Variants in TNNT1 observed in about 807,000 individuals in gnomAD.
The protein encoded by TNNT1 is troponin T, slow skeletal muscle.
In TNNT1, 53 loss-of-function variants were observed where a neutral mutation model predicts 50.6. That is an observed-to-expected ratio of 1.05 (90% CI 0.84 to 1.32). The LOEUF is 1.32. Among genes scored for constraint, TNNT1 ranks in the 40% most tolerant of loss-of-function variants. The pLI is 0.00. For missense variants in TNNT1, 348 were observed against 381.7 expected (o/e 0.91, Z 0.74); for synonymous variants, 142 against 138.0 (o/e 1.03, Z -0.20).
intron 9 of TNNT1, 86 bp from the exon 10 acceptor site, chr19:55,138,160 A>G: frequency 1.2e-6 from 2 of 1,607,080 alleles, no homozygotes; most frequent in Non-Finnish European, 1.7e-6. Context: ...GGGCACAGGG[A>G]TCAGCAGACC....
intron 11 of TNNT1, 145 bp downstream of exon 11, chr19:55,136,958 C>G: frequency 1.6e-6 from 1 of 617,256 alleles, no homozygotes; most frequent in Non-Finnish European, 2.9e-6. Context: ...AGCAGAGGCC[C>G]AGAGAGGGGA....
At position 55,146,913 on chromosome 19, in the gene TNNT1, C is replaced by T. The variant is rs1599895658; in HGVS notation, c.46+95G>A. 6 of 1,456,158 alleles carry T rather than the reference C, an allele frequency of 4.1e-6. No homozygotes were observed. In the Admixed American group the frequency reaches 6.8e-5, roughly 17 times the overall value. The allele number at this position is 1,456,158 out of a possible 1,614,324, so 90.2% of individuals were successfully genotyped here. ...GGGCGAGGGCCCGAGGGCTGAGCCG[C>T]CCCTTCCCCGCCAAAGTGCCACACT... On this transcript the variant is annotated intron_variant, in intron 3 of 13. Coordinates refer to ENST00000588981, the MANE Select transcript of TNNT1 (RefSeq NM_003283.6).
intron 11 of TNNT1, chr19:55,135,503 C>G: frequency 3.3e-6 from 1 of 305,318 alleles, no homozygotes; most frequent in Admixed American, 4.6e-5. Context: ...CTCTCAGGCT[C>G]TAGTGATCCT....
At chr19:55,144,042 T>C (rs2085503523) in intron 6 of TNNT1, among the ~76,000 whole-genome samples, 1 of 149,210 alleles carries the variant, frequency 6.7e-6, no homozygotes. Context: ...GGAATCCCTC[T>C]CAGTCCATTC....
chr19:55,141,303 C>T lies in TNNT1; in HGVS notation c.193-1G>A. 1 of 1,613,460 alleles carries T rather than the reference C, an allele frequency of 6.2e-7. No individual in the cohort carries two copies. The highest frequency in any genetic ancestry group is 8.5e-7 in the Non-Finnish European group (1 of 1,179,352). On this transcript the variant is annotated splice_acceptor_variant, in intron 7 of 13. Transcript: ENST00000588981. LOFTEE classifies it high-confidence loss of function. ...TCTCCATGCGCTTGCGGTGGATGTCCTGCAGGACACACGGGCAGCCCGTCC... is the reference window on the plus strand; with the variant it reads ...TCTCCATGCGCTTGCGGTGGATGTCTTGCAGGACACACGGGCAGCCCGTCC...
At position 55,134,105 on chromosome 19, in the gene TNNT1, C is replaced by T. The variant is rs920784477; in HGVS notation, c.711G>A (p.Lys237=). The change falls in exon 12 of 14, where the codon AAG becomes AAA. Residue 237 remains lysine (K), a synonymous_variant. Coordinates refer to ENST00000588981, the MANE Select transcript of TNNT1 (RefSeq NM_003283.6). ...GTTTCAGCTTCGCCATCAGGTCGAA[C>T]TTCTCAGACTCCAGCTGGTGGATCC... ...SDWIHQLESE[K]FDLMAKLKQQ... is the part of the protein sequence containing the mutation. The T allele has an allele frequency of 6.2e-7, 1 of 1,612,684 alleles. No homozygotes were observed. The highest frequency in any genetic ancestry group is 8.5e-7 in the Non-Finnish European group (1 of 1,179,726).
At position 55,133,889 on chromosome 19, in the gene TNNT1, C is replaced by A; in HGVS notation, c.789G>T (p.Lys263Asn). 6.2e-7 allele frequency: 1 copy of A among 1,613,838 alleles called. No individual in the cohort carries two copies. The highest frequency in any genetic ancestry group is 8.5e-7 in the Non-Finnish European group (1 of 1,180,018). Residue 263 changes from lysine to asparagine, a missense_variant and splice_region_variant, in exon 13 of 14, where the codon AAG (lysine) becomes AAT (asparagine). Physicochemically the swap from Lys to Asn is moderately conservative, Grantham distance 94. Transcript: ENST00000588981. The stretch of plus-strand genomic sequence containing the variant: ...GGGCTTGAGACGGTCACACTCACAA[C>A]TTCTGGGCGTGGCTGATGCGGTTGT... ...VLYNRISHAQKFRKGAGKGRV... is the reference protein window; with the variant it reads ...VLYNRISHAQNFRKGAGKGRV...
At chr19:55,136,540 C>T (rs1179574040) in intron 11 of TNNT1, among the ~76,000 whole-genome samples, 3 of 152,206 alleles carry the variant, frequency 2.0e-5, no homozygotes, top group Non-Finnish European at 4.4e-5. Context: ...GGCACTGAGC[C>T]CTGGGCAGGG....
intron 6 of TNNT1, chr19:55,145,336 G>C: frequency 1.6e-6 from 1 of 631,788 alleles, no homozygotes; most frequent in South Asian, 1.8e-5. Flanking sequence ...AAGGGGAAGG[G>C]GAAGAAGAGG....
At position 55,141,843 on chromosome 19, in the gene TNNT1, C is replaced by A; in HGVS notation, c.192+14G>T. ...CTAGCAACTGCGCCTGCGGAGGGGT[C>A]TCTTGTCACTTACATCGAAGTCAAC... On this transcript the variant is annotated intron_variant, in intron 7 of 13. Transcript: ENST00000588981. 2 of 1,613,884 alleles carry A rather than the reference C, an allele frequency of 1.2e-6. No homozygotes were observed. Among genetic ancestry groups the A allele is most frequent in the Non-Finnish European group, 1.7e-6 (2 of 1,179,842 alleles).
At chr19:55,135,377 T>TTTCC (rs142922892) in intron 11 of TNNT1, 214 of 237,456 alleles carry the variant, frequency 9.0e-4, no homozygotes, top group African/African-American at 4.0e-3. Context: ...AAAACCTACC[T>TTTCC]TTCCTTCCTT....
intron 5 of TNNT1, among the ~76,000 whole-genome samples, chr19:55,145,808 A>AC (rs35265642): frequency 4.0e-5 from 6 of 149,494 alleles, no homozygotes; most frequent in African/African-American, 1.2e-4. Flanking sequence ...TGGTGTGGGG[A>AC]CCCCCCACCC....
chr19:55,148,320 C>T (rs1051956058), intron 1 of TNNT1, among the ~76,000 whole-genome samples: 1 of 151,992 alleles, frequency 6.6e-6, no homozygotes, highest in Non-Finnish European at 1.5e-5. Flanking sequence ...CACCTGTCTC[C>T]CCTTTCACCT....
At chr19:55,137,861 A>G (rs1203692001) in intron 10 of TNNT1, 100 bp downstream of exon 10, 1 of 1,443,870 alleles carries the variant, frequency 6.9e-7, no homozygotes, top group African/African-American at 1.4e-5. Flanking sequence ...CAGACCCAGG[A>G]ATCCAGGCCT....
intron 6 of TNNT1, among the ~76,000 whole-genome samples, chr19:55,144,828 G>A (rs1204209273): frequency 1.3e-5 from 2 of 152,182 alleles, no homozygotes; most frequent in African/African-American, 4.8e-5. Flanking sequence ...AGAGTAGTGG[G>A]GAGTTGAGGA....
chr19:55,141,650 A>T lies in TNNT1; in HGVS notation c.192+207T>A, dbSNP rs2742058. On this transcript the variant is annotated intron_variant, in intron 7 of 13. Transcript: ENST00000588981. ...AGACACCTGCCACCACGCCCGGCTA[A>T]TTTTTGTATTTTTAGTAGAGACGGG... Among the ~76,000 whole-genome samples the T allele has an allele frequency of 0.11, 16,451 of 151,750 alleles. 1,021 individuals are homozygous for T. The highest frequency in any genetic ancestry group is 0.29 in the East Asian group (1,510 of 5,128).
At position 55,133,899 on chromosome 19, in the gene TNNT1, T is replaced by G; in HGVS notation, c.779A>C (p.His260Pro). 6.2e-7 allele frequency: 1 copy of G among 1,613,806 alleles called. No homozygotes were observed. The highest frequency in any genetic ancestry group is 8.5e-7 in the Non-Finnish European group (1 of 1,180,014). ...CGGTCACACTCACAACTTCTGGGCG[T>G]GGCTGATGCGGTTGTACAGCACGTT... is the stretch of plus-strand genomic sequence containing the variant. The part of the protein sequence containing the change: ...EINVLYNRIS[H>P]AQKFRKGAGK... Residue 260 changes from histidine to proline, a missense_variant, in exon 13 of 14, where the codon CAC (histidine) becomes CCC (proline). This residue lies in a region of TNNT1 where 253 missense variants were observed against 291.8 expected (regional missense o/e 0.87). Coordinates refer to ENST00000588981, the MANE Select transcript of TNNT1 (RefSeq NM_003283.6).
intron 10 of TNNT1, among the ~76,000 whole-genome samples, chr19:55,137,664 C>T (rs1464860133): frequency 1.3e-5 from 2 of 148,650 alleles, no homozygotes; most frequent in East Asian, 2.0e-4. Context: ...CAGACCCTCT[C>T]GCATTAGGAA....
intron 11 of TNNT1, 36 bp from the exon 12 acceptor site, chr19:55,134,240 G>A (rs889652644): frequency 1.3e-5 from 20 of 1,548,260 alleles, no homozygotes; most frequent in African/African-American, 9.6e-5. Context: ...TGGGCCCAGA[G>A]AGGTTGTGGG....
Sources: allele counts gnomAD v4.1 joint callset (sites outside exome capture counted in the v4.1 genomes callset), GRCh38; gene constraint gnomAD v4.1.1; regional missense constraint gnomAD v4.1.1; transcripts MANE v1.5; gene names NCBI Gene and HGNC (gene_info 2026-07-23, HGNC 2026-07-21).